Variants in ANP32B observed in about 807,000 individuals in gnomAD.
ANP32B encodes acidic nuclear phosphoprotein 32 family member B, also known as acidic leucine-rich nuclear phosphoprotein 32 family member B.
Under a neutral mutation model 32.2 loss-of-function variants are expected in ANP32B, and 6 were observed. That is an observed-to-expected ratio of 0.19 (90% CI 0.10 to 0.37). The LOEUF is 0.37. ANP32B is among the 10% of genes least tolerant of loss of function. ANP32B has a pLI of 1.00. For synonymous variants in ANP32B, 98 were observed against 105.8 expected (o/e 0.93, Z 0.45); for missense variants, 204 against 289.2 (o/e 0.71, Z 2.14).
At chr9:97,999,723 G>T (rs956589126) in intron 3 of ANP32B, among the ~76,000 whole-genome samples, 1 of 152,180 alleles carries the variant, frequency 6.6e-6, no homozygotes, top group African/African-American at 2.4e-5. Context: ...GTAAGTTAAT[G>T]TACTTATTTT....
Position 98,005,072 on chromosome 9 carries a change from G to C in ANP32B, c.436G>C (p.Asp146His). The change falls in exon 4 of 7, where the codon GAT (aspartate) becomes CAT (histidine). Residue 146 changes from aspartate (D) to histidine (H), a missense_variant. By Grantham distance (81) the Asp-to-His change is moderately conservative (BLOSUM62 -1). Coordinates refer to ENST00000339399, the MANE Select transcript of ANP32B (RefSeq NM_006401.3). Reference protein sequence around the residue: ...FKLLPQLTYLDGYDREDQEAP... With the variant: ...FKLLPQLTYLHGYDREDQEAP... ...GCTCCTGCCCCAGCTTACCTACTTG[G>C]ATGGCTATGACCGAGAGGACCAGGA... 6.2e-7 allele frequency: 1 copy of C among 1,614,014 alleles called. No individual in the cohort carries two copies.
chr9:97,996,393 G>A, intron 2 of ANP32B, among the ~76,000 whole-genome samples: 1 of 152,278 alleles, frequency 6.6e-6, no homozygotes, highest in Admixed American at 6.5e-5. Flanking sequence ...TTTGAGTTCT[G>A]AGAAGGACAG....
rs1455248242 is a variant in ANP32B, at chr9:97,990,373, A to T, written c.55-4258A>T. Among the ~76,000 whole-genome samples the T allele has an allele frequency of 2.0e-5, 3 of 152,236 alleles. No homozygotes were observed. In the East Asian group the frequency reaches 5.8e-4, roughly 29 times the overall value. Reference sequence around the variant, plus strand: ...CTTTCAACAACCTTGAAGTTGGCTGATGGAACATTTAGACCTGCTATCCTT... The same window carrying T: ...CTTTCAACAACCTTGAAGTTGGCTGTTGGAACATTTAGACCTGCTATCCTT... On this transcript the variant is annotated intron_variant, in intron 1 of 6. Coordinates refer to ENST00000339399, the MANE Select transcript of ANP32B (RefSeq NM_006401.3).
At chr9:98,013,999 C>T (rs1417983484) in intron 6 of ANP32B, among the ~76,000 whole-genome samples, 2 of 151,856 alleles carry the variant, frequency 1.3e-5, no homozygotes, top group Admixed American at 1.3e-4. Context: ...AGAGGGAGAC[C>T]TTGTCTCAAA....
At chr9:97,986,489 T>C (rs1365085995) in intron 1 of ANP32B, 1 of 152,178 alleles carries the variant, frequency 6.6e-6, no homozygotes, top group Non-Finnish European at 1.5e-5. Context: ...AACTTTGACC[T>C]AAAAGTGAAG....
chr9:98,014,571 A>G (rs1027428974), intron 6 of ANP32B, among the ~76,000 whole-genome samples: 1 of 152,192 alleles, frequency 6.6e-6, no homozygotes, highest in Non-Finnish European at 1.5e-5. Flanking sequence ...TTAGTTTGCT[A>G]CAATTTGAGT....
At position 98,009,316 on chromosome 9, in the gene ANP32B, C is replaced by G. The variant is rs541239876; in HGVS notation, c.518-1955C>G. 2.0e-5 allele frequency among the ~76,000 whole-genome samples: 3 copies of G among 152,294 alleles called. No individual in the cohort carries two copies. In the South Asian group the frequency reaches 6.2e-4, roughly 32 times the overall value. ...ATTCCTCCTGATTAGTTTGTGTTTT[C>G]TTTGCATGCTGAGTTTGTTTATTCT... On this transcript the variant is annotated intron_variant, in intron 4 of 6. Transcript: ENST00000339399.
Position 97,983,621 on chromosome 9 carries a change from C to G in ANP32B, c.54+12C>G, listed in dbSNP as rs753636851. The G allele has an allele frequency of 2.6e-5, 40 of 1,557,000 alleles. No homozygotes were observed. Among genetic ancestry groups the G allele is most frequent in the Non-Finnish European group, 3.0e-5 (34 of 1,151,976 alleles). ...GGACCCCGGCAGCTGTAAGCAGAGA[C>G]CCCTCTGGGTGCCCTCTCCCCCGAT... On this transcript the variant is annotated intron_variant, in intron 1 of 6. Transcript: ENST00000339399.
chr9:97,995,115 T>C (rs1564137308), intron 2 of ANP32B, among the ~76,000 whole-genome samples: 2 of 152,214 alleles, frequency 1.3e-5, no homozygotes, highest in Non-Finnish European at 1.5e-5. Flanking sequence ...TGTTAATTGT[T>C]ATAAAAACAA....
chr9:98,015,262 A>G (rs1445453022), intron 6 of ANP32B, 102 bp from the exon 7 acceptor site: 3 of 1,489,166 alleles, frequency 2.0e-6, no homozygotes, highest in African/African-American at 1.4e-5. Flanking sequence ...ACATTGTTTT[A>G]TCTCCTAACT....
chr9:97,996,789 G>A (rs1296400611), intron 2 of ANP32B, among the ~76,000 whole-genome samples: 3 of 151,660 alleles, frequency 2.0e-5, no homozygotes, highest in Admixed American at 6.6e-5. Flanking sequence ...TGTAGAGATG[G>A]GGGTTTCACC....
Position 97,998,650 on chromosome 9 carries a change from T to A in ANP32B, c.299T>A (p.Leu100Gln). 6.2e-7 allele frequency: 1 copy of A among 1,610,606 alleles called. No homozygotes were observed. Among genetic ancestry groups the A allele is most frequent in the Non-Finnish European group, 8.5e-7 (1 of 1,178,800 alleles). ...CATCTAAACTTAAGTGGAAATAAAC[T>A]GAAAGATATCAGCACCTTGGAACCT... Reference protein sequence around the residue: ...LTHLNLSGNKLKDISTLEPLK... With the variant: ...LTHLNLSGNKQKDISTLEPLK... Residue 100 changes from leucine to glutamine, a missense_variant, in exon 3 of 7, where the codon CTG becomes CAG. Coordinates refer to ENST00000339399, the MANE Select transcript of ANP32B (RefSeq NM_006401.3).
chr9:97,987,976 C>T (rs1407958521), intron 1 of ANP32B, among the ~76,000 whole-genome samples: 2 of 151,854 alleles, frequency 1.3e-5, no homozygotes, highest in Non-Finnish European at 2.9e-5. Context: ...TATAGATAGG[C>T]CAAAAAATTG....
intron 3 of ANP32B, among the ~76,000 whole-genome samples, chr9:98,003,094 T>G (rs1209479293): frequency 1.3e-5 from 2 of 152,144 alleles, no homozygotes; most frequent in East Asian, 1.9e-4. Flanking sequence ...GAAGGGAAGC[T>G]AATCTGAAAA....
intron 1 of ANP32B, chr9:97,986,552 T>G (rs1205081636): frequency 6.6e-6 from 1 of 152,220 alleles, no homozygotes; most frequent in Non-Finnish European, 1.5e-5. Context: ...AAAAGAGAGT[T>G]TAAAGTGTTT....
chr9:97,983,750 G>A, intron 1 of ANP32B, 141 bp downstream of exon 1: 3 of 573,410 alleles, frequency 5.2e-6, no homozygotes, highest in East Asian at 7.0e-5. Context: ...GAAGGCGGGC[G>A]GGCGCGGAGG....
Position 97,983,349 on chromosome 9 carries a change from T to C in ANP32B, c.-207T>C, listed in dbSNP as rs1031992031. Reference sequence around the variant, plus strand: ...CGCTGCGCTCCAGCCCCCTTTTCCCTCCATGGTTTCTCTCCGCTCCCGTGA... The same window carrying C: ...CGCTGCGCTCCAGCCCCCTTTTCCCCCCATGGTTTCTCTCCGCTCCCGTGA... On this transcript the variant is annotated 5_prime_UTR_variant, in exon 1 of 7. Coordinates refer to ENST00000339399, the MANE Select transcript of ANP32B (RefSeq NM_006401.3). The C allele has an allele frequency of 1.9e-4, 101 of 521,892 alleles. No individual in the cohort carries two copies. The highest frequency in any genetic ancestry group is 9.5e-4 in the Admixed American group (24 of 25,386). 32.3% of individuals were successfully genotyped at this position (521,892 alleles called of 1,614,324 possible). A position where few individuals can be genotyped will look rare whatever the true frequency, so the allele number is the denominator to read the frequency against.
chr9:98,014,717 AAGCATG>A (rs769160116), intron 6 of ANP32B, among the ~76,000 whole-genome samples: 1 of 152,194 alleles, frequency 6.6e-6, no homozygotes, highest in Non-Finnish European at 1.5e-5. Context: ...ACTTGAAAGT[AAGCATG>A]TCTTGAAGAC....
At chr9:98,002,983 A>G (rs149921362) in intron 3 of ANP32B, among the ~76,000 whole-genome samples, 253 of 152,292 alleles carry the variant, frequency 1.7e-3, no homozygotes, top group African/African-American at 5.2e-3. Flanking sequence ...TTGTGAAGAG[A>G]AAGCCAGTAT....
Sources: gnomAD v4.1 joint callset for allele counts (sites outside exome capture counted in the v4.1 genomes callset) on GRCh38, gnomAD v4.1.1 for gene constraint, MANE v1.5 for transcripts, NCBI Gene and HGNC (gene_info 2026-07-23, HGNC 2026-07-21) for gene names.